Variants in SALL2 observed in about 807,000 individuals in gnomAD.
The protein encoded by SALL2 is spalt like transcription factor 2.
A neutral mutation model predicts 58.5 loss-of-function variants in SALL2; 32 were observed. That is an observed-to-expected ratio of 0.55 (90% CI 0.41 to 0.74). The LOEUF (loss-of-function observed/expected upper bound fraction) is 0.74, where lower values mean the gene tolerates loss of function less well. Ranked by LOEUF, SALL2 falls within the 30% of genes least tolerant of loss-of-function variation. The pLI, the probability that SALL2 is intolerant of heterozygous loss-of-function variation, is 0.00. For missense variants in SALL2, 1,201 were observed against 1,268.9 expected, an observed-to-expected ratio of 0.95 and a Z score of 0.81; for synonymous variants, 516 against 513.6, an observed-to-expected ratio of 1.00 and a Z score of -0.06.
upstream of SALL2, among the ~76,000 whole-genome samples, chr14:21,527,293 T>C (rs1354944019): frequency 2.6e-5 from 4 of 152,210 alleles, no homozygotes; most frequent in African/African-American, 9.7e-5. Flanking sequence ...ATTTGAATGC[T>C]TAGAAATAGC....
chr14:21,525,035 AGTCCCT>A lies in SALL2; in HGVS notation c.681_686del (p.Gly228_Thr229del). On this transcript the variant is annotated inframe_deletion, in exon 2 of 2. Transcript: ENST00000537235. This position sits in a 1 kb window ranked among gnomAD's most constrained non-coding sequence, Gnocchi z 4.4. Reference sequence around the variant, plus strand: ...GTAGTAGGGGCTTGGTGGAAGAGGCAGTCCCTGTCCCAGGTAGCTCTGAGGGACTGG... The same window carrying A: ...GTAGTAGGGGCTTGGTGGAAGAGGCAGTCCCAGGTAGCTCTGAGGGACTGG... The A allele has an allele frequency of 6.2e-7, 1 of 1,613,966 alleles. No homozygotes were observed. The highest frequency in any genetic ancestry group is 1.3e-5 in the African/African-American group (1 of 75,042).
At chr14:21,532,500 G>A (rs1431325804) in intron 1 of SALL2, among the ~76,000 whole-genome samples, 1 of 152,146 alleles carries the variant, frequency 6.6e-6, no homozygotes, top group Non-Finnish European at 1.5e-5. Context: ...TTTTAGCCAG[G>A]TGTGGTGGCA....
At chr14:21,526,023 G>T in intron 1 of SALL2, 38 bp downstream of exon 1, 1 of 898,720 alleles carries the variant, frequency 1.1e-6, no homozygotes, top group Non-Finnish European at 1.7e-6. Context: ...ATCCCCCTCC[G>T]CCCCCACCCC....
intron 1 of SALL2, among the ~76,000 whole-genome samples, chr14:21,536,137 C>T (rs1892590935): frequency 6.6e-6 from 1 of 152,246 alleles, no homozygotes; most frequent in African/African-American, 2.4e-5. Context: ...TAAGGGACAC[C>T]TGTTGCTTCA....
At chr14:21,537,062 T>C in exon 1 of SALL2, 1 of 665,966 alleles carries the variant, frequency 1.5e-6, no homozygotes, top group Non-Finnish European at 2.7e-6. Context: ...GAGATGTTCT[T>C]CTTTCCCAGA....
intron 1 of SALL2, among the ~76,000 whole-genome samples, chr14:21,531,448 C>T (rs936327974): frequency 2.2e-4 from 33 of 152,154 alleles, no homozygotes; most frequent in Non-Finnish European, 4.0e-4. Context: ...CTCTTGTTGC[C>T]CAGGCTGGAG....
Position 21,524,835 on chromosome 14 carries a change from G to T in SALL2, c.887C>A (p.Pro296His), listed in dbSNP as rs775756565. The change falls in exon 2 of 2, where the codon CCC (proline) becomes CAC (histidine). Residue 296 changes from proline to histidine, a missense_variant. Coordinates refer to ENST00000537235, the MANE Select transcript of SALL2 (RefSeq NM_001364564.1). Reference sequence around the variant, plus strand: ...CAAGGCTGGGGAAGGGGCAGGGGTGGGTTTGTGGCTTCGCCCAACCCCTCC... The same window carrying T: ...CAAGGCTGGGGAAGGGGCAGGGGTGTGTTTGTGGCTTCGCCCAACCCCTCC... ...SAGGVGRSHK[P>H]TPAPSPALPG... is the part of the protein sequence containing the mutation. 1.2e-6 allele frequency: 2 copies of T among 1,612,696 alleles called. No individual in the cohort carries two copies. Among genetic ancestry groups the T allele is most frequent in the Non-Finnish European group, 1.7e-6 (2 of 1,179,266 alleles).
chr14:21,521,207 A>G lies in SALL2; in HGVS notation c.*1497T>C, dbSNP rs1032576907. ...GAGAAGCCATCGTTCAAGTCAGTCAATAGCAAAACCCTCACTCTCTCCTCC... is the reference window on the plus strand; with the variant it reads ...GAGAAGCCATCGTTCAAGTCAGTCAGTAGCAAAACCCTCACTCTCTCCTCC... On this transcript the variant is annotated 3_prime_UTR_variant, in exon 2 of 2. Transcript: ENST00000537235. The G allele has an allele frequency of 5.3e-5, 8 of 152,256 alleles. No individual in the cohort carries two copies. The highest frequency in any genetic ancestry group is 1.4e-4 in the African/African-American group (6 of 41,466). The allele number at this position is 152,256 out of a possible 1,614,324, so 9.4% of individuals were successfully genotyped here. A position where few individuals can be genotyped will look rare whatever the true frequency, so the allele number is the denominator to read the frequency against.
Position 21,525,687 on chromosome 14 carries a change from G to T in SALL2, c.68-33C>A, listed in dbSNP as rs1405307262. ...GAAGACAAGGAGAGAGAGCGTGGGT[G>T]GCGCAGTTGGGTTGGGTATACCGAG... On this transcript the variant is annotated intron_variant, in intron 1 of 1. Coordinates refer to ENST00000537235, the MANE Select transcript of SALL2 (RefSeq NM_001364564.1). This position sits in a 1 kb window ranked among gnomAD's most constrained non-coding sequence, Gnocchi z 4.4. 6 of 1,536,290 alleles carry T rather than the reference G, an allele frequency of 3.9e-6. No individual in the cohort carries two copies. The highest frequency in any genetic ancestry group is 5.3e-6 in the Non-Finnish European group (6 of 1,140,958).
chr14:21,527,434 TC>T (rs1446020276), upstream of SALL2, among the ~76,000 whole-genome samples: 1 of 151,474 alleles, frequency 6.6e-6, no homozygotes, highest in Non-Finnish European at 1.5e-5. Flanking sequence ...GCTTCCCACT[TC>T]CTAAAATACT....
At chr14:21,534,252 C>T (rs1302721658) in intron 1 of SALL2, among the ~76,000 whole-genome samples, 1 of 152,190 alleles carries the variant, frequency 6.6e-6, no homozygotes, top group African/African-American at 2.4e-5. Flanking sequence ...GGCCCAATGA[C>T]ATCCAGATCA....
rs768176595 is a variant in SALL2, at chr14:21,522,988, C to T, written c.2734G>A (p.Glu912Lys). The change falls in exon 2 of 2, where the codon GAA becomes AAA. Residue 912 changes from glutamate to lysine, a missense_variant. By Grantham distance (56) the Glu-to-Lys change is moderately conservative (BLOSUM62 1). Around this residue, in one of 3 missense-constraint regions of SALL2, gnomAD observed 675 missense variants for 683.8 expected, o/e 0.99. Transcript: ENST00000537235. ...PGESSSRKAC[E>K]VCGQAFPSQA... ...GAGGGAAAGGCCTGGCCACACACTT[C>T]GCAGGCCTTTCTGCTGCTGCTCTCT... 1.9e-5 allele frequency: 31 copies of T among 1,613,994 alleles called. No homozygotes were observed. Among genetic ancestry groups the T allele is most frequent in the African/African-American group, 4.0e-5 (3 of 74,900 alleles).
In SALL2 at chr14:21,525,037, T is replaced by A. The variant is rs201905557; in HGVS notation, c.685A>T (p.Thr229Ser). 8.7e-6 allele frequency: 14 copies of A among 1,613,878 alleles called. No homozygotes were observed. The highest frequency in any genetic ancestry group is 8.3e-5 in the Admixed American group (5 of 59,970). Residue 229 changes from threonine to serine, a missense_variant, in exon 2 of 2, where the codon ACT becomes TCT. By Grantham distance (58) the Thr-to-Ser change is moderately conservative. Coordinates refer to ENST00000537235, the MANE Select transcript of SALL2 (RefSeq NM_001364564.1). This position sits in a 1 kb window ranked among gnomAD's most constrained non-coding sequence, Gnocchi z 4.4. ...AGTAGGGGCTTGGTGGAAGAGGCAG[T>A]CCCTGTCCCAGGTAGCTCTGAGGGA... ...ASPSELPGTG[T>S]ASSTKPLLPL... is the part of the protein sequence containing the mutation.
At position 21,523,299 on chromosome 14, in the gene SALL2, T is replaced by A; in HGVS notation, c.2423A>T (p.Glu808Val). 6.2e-7 allele frequency: 1 copy of A among 1,613,726 alleles called. No individual in the cohort carries two copies. Among genetic ancestry groups the A allele is most frequent in the Non-Finnish European group, 8.5e-7 (1 of 1,180,012 alleles). Residue 808 changes from glutamate (E) to valine (V), a missense_variant, in exon 2 of 2, where the codon GAG becomes GTG. Around this residue, in one of 3 missense-constraint regions of SALL2, gnomAD observed 675 missense variants for 683.8 expected, o/e 0.99. Transcript: ENST00000537235. The surrounding 1 kb of genome is among the most constrained non-coding windows in gnomAD (Gnocchi z 4.4). ...GDSEEASGAE[E>V]EVGTVAAAAT... ...TGCTGCCGCCACTGTCCCCACCTCCTCCTCTGCCCCAGATGCCTCTTCTGA... is the reference window on the plus strand; with the variant it reads ...TGCTGCCGCCACTGTCCCCACCTCCACCTCTGCCCCAGATGCCTCTTCTGA...
Position 21,524,150 on chromosome 14 carries a change from GT to G in SALL2, c.1571del (p.Asn524ThrfsTer25). Reference sequence around the variant, plus strand: ...CTGAGCCCTCACTCCCTGGGGGGGTGTTTTCATCAGCTTTATTCTTGGGTTC... The same window carrying G: ...CTGAGCCCTCACTCCCTGGGGGGGTGTTTCATCAGCTTTATTCTTGGGTTC... Reference protein sequence around the residue: ...AVEPKNKADENTPPGSEGSAI... With the variant: ...AVEPKNKADEXTPPGSEGSAI... On this transcript the variant is annotated frameshift_variant, in exon 2 of 2. Transcript: ENST00000537235. LOFTEE classifies it high-confidence loss of function. 6.2e-7 allele frequency: 1 copy of G among 1,612,668 alleles called. No individual in the cohort carries two copies. Among genetic ancestry groups the G allele is most frequent in the Non-Finnish European group, 8.5e-7 (1 of 1,179,302 alleles).
Position 21,525,792 on chromosome 14 carries a change from A to G in SALL2, c.68-138T>C. 1 of 824,586 alleles carries G rather than the reference A, an allele frequency of 1.2e-6. No individual in the cohort carries two copies. The highest frequency in any genetic ancestry group is 1.7e-6 in the Non-Finnish European group (1 of 588,982). 51.1% of individuals were successfully genotyped at this position (824,586 alleles called of 1,614,324 possible). ...CACCATCAGGGCCATGCAGAAGTCT[A>G]GAGCTCAGGCCTGATCCGTGTGGAC... is the stretch of plus-strand genomic sequence containing the variant. On this transcript the variant is annotated intron_variant, in intron 1 of 1. Transcript: ENST00000537235. This position sits in a 1 kb window ranked among gnomAD's most constrained non-coding sequence, Gnocchi z 4.4.
At chr14:21,534,960 T>G (rs1447933322) in intron 1 of SALL2, among the ~76,000 whole-genome samples, 2 of 152,170 alleles carry the variant, frequency 1.3e-5, no homozygotes, top group African/African-American at 4.8e-5. Flanking sequence ...CCTCAAGTTT[T>G]TGTTTTTTAA....
intron 1 of SALL2, among the ~76,000 whole-genome samples, chr14:21,532,419 T>C (rs1479160131): frequency 6.6e-6 from 1 of 152,240 alleles, no homozygotes; most frequent in Non-Finnish European, 1.5e-5. Flanking sequence ...ATGTACTTAA[T>C]GCCACTGAAT....
In SALL2 at chr14:21,526,318, G is replaced by A; in HGVS notation, c.-191C>T. The stretch of plus-strand genomic sequence containing the variant: ...GGAGCGAGGAGGCGGGGAGAAGCTG[G>A]AGTGAGAAAGCGGGGAGAGGGGAGA... On this transcript the variant is annotated 5_prime_UTR_variant, in exon 1 of 2. Transcript: ENST00000537235. 1 of 1,432,266 alleles carries A rather than the reference G, an allele frequency of 7.0e-7. No individual in the cohort carries two copies. Among genetic ancestry groups the A allele is most frequent in the Non-Finnish European group, 9.1e-7 (1 of 1,097,826 alleles). The allele number at this position is 1,432,266 out of a possible 1,614,324, so 88.7% of individuals were successfully genotyped here. A position where few individuals can be genotyped will look rare whatever the true frequency, so the allele number is the denominator to read the frequency against.
Sources: gnomAD v4.1 joint callset for allele counts (sites outside exome capture counted in the v4.1 genomes callset) on GRCh38, gnomAD v4.1.1 for gene constraint, gnomAD v4.1.1 regional missense constraint, Gnocchi (gnomAD v3.1) non-coding constraint, MANE v1.5 for transcripts, NCBI Gene and HGNC (gene_info 2026-07-23, HGNC 2026-07-21) for gene names.